SPIDR: variants seen among roughly 807,000 people sequenced by gnomAD.
SPIDR encodes the protein scaffold protein involved in DNA repair, also known as DNA repair-scaffolding protein.
SPIDR carries 93 observed loss-of-function variants against 104.6 expected under a neutral mutation model. That is an observed-to-expected ratio of 0.89 (90% CI 0.75 to 1.06). The LOEUF is 1.06. Ranked by LOEUF, SPIDR falls within the 50% of genes least tolerant of loss-of-function variation. SPIDR has a pLI of 0.00. For missense variants in SPIDR, 1,154 were observed against 1,111.2 expected (o/e 1.04, Z -0.55); for synonymous variants, 431 against 416.9 (o/e 1.03, Z -0.41).
chr8:47,453,020 G>A (rs2072156477), intron 8 of SPIDR, among the ~76,000 whole-genome samples: 1 of 152,112 alleles, frequency 6.6e-6, no homozygotes, highest in African/African-American at 2.4e-5. Flanking sequence ...AAAGTCTCAG[G>A]ATACAAAATC....
At chr8:47,625,052 C>A (rs2065827316) in intron 10 of SPIDR, among the ~76,000 whole-genome samples, 1 of 152,202 alleles carries the variant, frequency 6.6e-6, no homozygotes, top group African/African-American at 2.4e-5. Context: ...ATCAAGTGGG[C>A]TTCATCCCTG....
intron 8 of SPIDR, chr8:47,511,684 C>G (rs2082348351): frequency 1.1e-6 from 1 of 887,312 alleles, no homozygotes; most frequent in African/African-American, 1.6e-5. Flanking sequence ...AAGGCCATAG[C>G]CATCTCCGGC....
At chr8:47,290,079 G>T (rs1386866336) in intron 3 of SPIDR, among the ~76,000 whole-genome samples, 1 of 151,954 alleles carries the variant, frequency 6.6e-6, no homozygotes, top group Non-Finnish European at 1.5e-5. Context: ...CACTCTTGTT[G>T]CCCAGGCTGG....
At chr8:47,376,957 T>C (rs1192617013) in intron 5 of SPIDR, among the ~76,000 whole-genome samples, 3 of 152,178 alleles carry the variant, frequency 2.0e-5, no homozygotes, top group Non-Finnish European at 4.4e-5. Context: ...CACTAGTTCA[T>C]GTGTTATCTC....
At chr8:47,590,190 A>T (rs996248538) in intron 8 of SPIDR, among the ~76,000 whole-genome samples, 2 of 151,604 alleles carry the variant, frequency 1.3e-5, no homozygotes, top group African/African-American at 4.9e-5. Context: ...AAAAAAAAAA[A>T]TTATTTCTTT....
chr8:47,278,958 C>G (rs896737698), intron 1 of SPIDR, among the ~76,000 whole-genome samples: 3 of 151,986 alleles, frequency 2.0e-5, no homozygotes, highest in Non-Finnish European at 2.9e-5. Context: ...GTGCAGTCAG[C>G]TCACTGCAGC....
At chr8:47,629,338 A>T (rs1343310710) in intron 10 of SPIDR, among the ~76,000 whole-genome samples, 3 of 152,214 alleles carry the variant, frequency 2.0e-5, no homozygotes, top group African/African-American at 7.2e-5. Flanking sequence ...GGTATTGGCA[A>T]GCATATTATT....
intron 8 of SPIDR, among the ~76,000 whole-genome samples, chr8:47,585,214 A>G (rs1307342632): frequency 1.3e-5 from 2 of 152,206 alleles, no homozygotes; most frequent in African/African-American, 2.4e-5. Context: ...AAATTTGAGT[A>G]CTAGAAATTT....
At chr8:47,432,519 A>G (rs893596689) in intron 7 of SPIDR, among the ~76,000 whole-genome samples, 2 of 152,194 alleles carry the variant, frequency 1.3e-5, no homozygotes, top group Non-Finnish European at 2.9e-5. Flanking sequence ...GTACTGATCC[A>G]GGTGCAACAC....
intron 8 of SPIDR, among the ~76,000 whole-genome samples, chr8:47,548,916 C>A (rs2089970708): frequency 6.6e-6 from 1 of 152,186 alleles, no homozygotes; most frequent in Non-Finnish European, 1.5e-5. Flanking sequence ...CTATCCCTCC[C>A]TTCTCCCCCT....
intron 7 of SPIDR, among the ~76,000 whole-genome samples, chr8:47,432,615 T>C (rs1233492064): frequency 6.6e-6 from 1 of 152,166 alleles, no homozygotes; most frequent in Non-Finnish European, 1.5e-5. Flanking sequence ...TAAAGAGAAA[T>C]GATAAACTGC....
intron 8 of SPIDR, among the ~76,000 whole-genome samples, chr8:47,587,406 C>T (rs117034596): frequency 0.011 from 1,612 of 152,028 alleles, 10 homozygotes; most frequent in Non-Finnish European, 0.016. Flanking sequence ...GACTTCAAGG[C>T]CAGTCTGGCC....
At chr8:47,345,014 G>A (rs570433627) in intron 5 of SPIDR, among the ~76,000 whole-genome samples, 1 of 152,284 alleles carries the variant, frequency 6.6e-6, no homozygotes, top group Non-Finnish European at 1.5e-5. Flanking sequence ...TGCTTTTGGT[G>A]TTTTAGACAT....
chr8:47,544,238 T>C (rs766854117), intron 8 of SPIDR, among the ~76,000 whole-genome samples: 3 of 152,238 alleles, frequency 2.0e-5, no homozygotes, highest in Non-Finnish European at 4.4e-5. Flanking sequence ...ATTTTCTAAT[T>C]GGATTGTTTG....
chr8:47,334,517 C>T (rs2049337729), intron 5 of SPIDR, among the ~76,000 whole-genome samples: 1 of 152,194 alleles, frequency 6.6e-6, no homozygotes, highest in African/African-American at 2.4e-5. Flanking sequence ...TAATGCCCCT[C>T]TTTATCCTTG....
At chr8:47,464,364 G>T (rs536750002) in intron 8 of SPIDR, among the ~76,000 whole-genome samples, 84 of 152,284 alleles carry the variant, frequency 5.5e-4, no homozygotes, top group South Asian at 1.0e-3. Flanking sequence ...GGGCAAGATG[G>T]CCAGCTAGAT....
At chr8:47,712,908 G>A (rs1183566536) in intron 15 of SPIDR, 36 bp downstream of exon 15, 18 of 1,611,754 alleles carry the variant, frequency 1.1e-5, no homozygotes, top group Admixed American at 5.0e-5. Flanking sequence ...ATGCAGGGGC[G>A]ACTGATCCGT....
At chr8:47,629,938 A>G (rs1412928964) in intron 10 of SPIDR, among the ~76,000 whole-genome samples, 1 of 152,218 alleles carries the variant, frequency 6.6e-6, no homozygotes, top group Non-Finnish European at 1.5e-5. Context: ...AAGTTCCCAT[A>G]CTGCACATCA....
intron 8 of SPIDR, among the ~76,000 whole-genome samples, chr8:47,483,809 C>T (rs2077192236): frequency 6.6e-6 from 1 of 152,078 alleles, no homozygotes; most frequent in African/African-American, 2.4e-5. Context: ...TTGGTCACCT[C>T]TGTGGTATGT....
Sources: gnomAD v4.1 joint callset for allele counts (sites outside exome capture counted in the v4.1 genomes callset) on GRCh38, gnomAD v4.1.1 for gene constraint, MANE v1.5 for transcripts, NCBI Gene and HGNC (gene_info 2026-07-23, HGNC 2026-07-21) for gene names.